Variants in CDC42BPG observed in about 807,000 individuals in gnomAD.
The protein encoded by CDC42BPG is CDC42 binding protein kinase gamma.
A neutral mutation model predicts 192.2 loss-of-function variants in CDC42BPG; 157 were observed. That is an observed-to-expected ratio of 0.82 (90% confidence interval 0.72 to 0.93). CDC42BPG has a LOEUF of 0.93. Ranked by LOEUF, CDC42BPG falls within the 40% of genes least tolerant of loss-of-function variation. CDC42BPG has a pLI of 0.00. For synonymous variants in CDC42BPG, 981 were observed against 918.5 expected (o/e 1.07, Z -1.23); for missense variants, 1,992 against 2,122.1 (o/e 0.94, Z 1.20).
intron 1 of CDC42BPG, among the ~76,000 whole-genome samples, chr11:64,842,214 C>G (rs1312696722): frequency 6.6e-6 from 1 of 152,166 alleles, no homozygotes; most frequent in African/African-American, 2.4e-5. Flanking sequence ...AGTCTGCGGC[C>G]TGACTCTGCT....
In CDC42BPG at chr11:64,827,701, G is replaced by C. The variant is rs757321105; in HGVS notation, c.4050C>G (p.Thr1350=). The change falls in exon 31 of 37, where the codon ACC becomes ACG. Residue 1350 remains threonine, a synonymous_variant. Transcript: ENST00000342711. ...FDVRRAEWVQ[T]VPLKKVRPLN... is the part of the protein sequence containing the mutation. ...GGACCCTCACCTTCTTGAGCGGCAC[G>C]GTCTGCACCCATTCTGCCCTCCTCA... 1 of 1,612,702 alleles carries C rather than the reference G, an allele frequency of 6.2e-7. No homozygotes were observed. Among genetic ancestry groups the C allele is most frequent in the African/African-American group, 1.3e-5 (1 of 74,898 alleles).
chr11:64,844,612 C>T lies in CDC42BPG; in HGVS notation c.-43G>A. On this transcript the variant is annotated 5_prime_UTR_variant, in exon 1 of 37. Transcript: ENST00000342711. ...CGCTGCTCGGCTACAGTCTGGCCGC[C>T]CGCATGCCCGCCTGTCGGGCCGTCC... 1 of 1,230,384 alleles carries T rather than the reference C, an allele frequency of 8.1e-7. No individual in the cohort carries two copies. The highest frequency in any genetic ancestry group is 1.0e-6 in the Non-Finnish European group (1 of 985,510). 76.2% of individuals were successfully genotyped at this position (1,230,384 alleles called of 1,614,324 possible).
Position 64,826,493 on chromosome 11 carries a change from T to G in CDC42BPG, c.4576A>C (p.Ser1526Arg). 6.2e-6 allele frequency: 10 copies of G among 1,602,380 alleles called. No homozygotes were observed. The highest frequency in any genetic ancestry group is 8.5e-6 in the Non-Finnish European group (10 of 1,174,716). ...ACCTGCATTAGGGAGGTTGCAGGGC[T>G]CAGCGATCCCTGGGGGCAGGACACA... The part of the protein sequence containing the change: ...ESVSCPQGSL[S>R]PATSLMQVSE... Residue 1526 changes from serine (S) to arginine (R), a missense_variant, in exon 36 of 37, where the codon AGC becomes CGC. By Grantham distance (110) the Ser-to-Arg change is moderately radical. Around this residue, in one of 2 missense-constraint regions of CDC42BPG, gnomAD observed 336 missense variants for 277.9 expected, o/e 1.21. Coordinates refer to ENST00000342711, the MANE Select transcript of CDC42BPG (RefSeq NM_017525.3).
Position 64,836,185 on chromosome 11 carries a change from CCT to C in CDC42BPG, c.1598_1599del (p.Glu533GlyfsTer5). 1 of 1,596,124 alleles carries C rather than the reference CCT, an allele frequency of 6.3e-7. No homozygotes were observed. Among genetic ancestry groups the C allele is most frequent in the Non-Finnish European group, 8.5e-7 (1 of 1,173,264 alleles). ...LQRLQEAQER[E>X]AATASQTRAL... is the part of the protein sequence containing the mutation. ...GCCCGGGTCTGGCTAGCTGTGGCCG[CCT>C]CTCTCTCCTGGGCCTCCTGTAGCCT... On this transcript the variant is annotated frameshift_variant, in exon 13 of 37. Transcript: ENST00000342711. LOFTEE classifies it high-confidence loss of function.
At chr11:64,830,730 T>TTC (rs1481736464) in intron 28 of CDC42BPG, among the ~76,000 whole-genome samples, 10 of 152,280 alleles carry the variant, frequency 6.6e-5, no homozygotes, top group African/African-American at 2.2e-4. Context: ...GGAGCTCTGT[T>TTC]TCATGCCTCT....
chr11:64,836,491 C>A lies in CDC42BPG; in HGVS notation c.1424G>T (p.Gly475Val), dbSNP rs1436706921. ...RDKASLSQTD[G>V]PPAGSPGQDS... is the part of the protein sequence containing the mutation. ...CTGACCTGGGCTACCAGCTGGGGGC[C>A]CATCCGTCTGGGACAATGAGGCCTT... Residue 475 changes from glycine (G) to valine (V), a missense_variant, in exon 12 of 37, where the codon GGG (glycine) becomes GTG (valine). Gly to Val is a moderately radical substitution (Grantham distance 109). Coordinates refer to ENST00000342711, the MANE Select transcript of CDC42BPG (RefSeq NM_017525.3). 3 of 1,613,416 alleles carry A rather than the reference C, an allele frequency of 1.9e-6. No homozygotes were observed. The highest frequency in any genetic ancestry group is 1.3e-5 in the African/African-American group (1 of 74,900).
In CDC42BPG at chr11:64,824,429, A is replaced by G. The variant is rs1565664789; in HGVS notation, c.*44T>C. Reference sequence around the variant, plus strand: ...CATTCCTCAAGCTCTTTGCTCCCTCATGTCCTTCTGCCCTGGGATTGGGGT... The same window carrying G: ...CATTCCTCAAGCTCTTTGCTCCCTCGTGTCCTTCTGCCCTGGGATTGGGGT... On this transcript the variant is annotated 3_prime_UTR_variant, in exon 37 of 37. Transcript: ENST00000342711. The G allele has an allele frequency of 3.8e-6, 5 of 1,309,602 alleles. No individual in the cohort carries two copies. The highest frequency in any genetic ancestry group is 5.6e-6 in the Non-Finnish European group (5 of 900,668). The allele number at this position is 1,309,602 out of a possible 1,614,324, so 81.1% of individuals were successfully genotyped here. A position where few individuals can be genotyped will look rare whatever the true frequency, so the allele number is the denominator to read the frequency against.
At chr11:64,836,590 G>C in intron 11 of CDC42BPG, 60 bp from the exon 12 acceptor site, 30 of 1,492,788 alleles carry the variant, frequency 2.0e-5, no homozygotes, top group Non-Finnish European at 2.7e-5. Context: ...CAGCCCAGGA[G>C]CAAGTCTCCT....
rs1942695805 is a variant in CDC42BPG at position 64,831,625 on chromosome 11, C to A, written c.3184G>T (p.Gly1062Cys). The A allele has an allele frequency of 6.2e-7, 1 of 1,611,744 alleles. No homozygotes were observed. Among genetic ancestry groups the A allele is most frequent in the Non-Finnish European group, 8.5e-7 (1 of 1,179,818 alleles). Reference protein sequence around the residue: ...GERERWLQVLGELQRLLLDAR... With the variant: ...GERERWLQVLCELQRLLLDAR... ...TCCAGCAGCAGCCGCTGCAGCTCAC[C>A]CAGCACCTGCAGCCAGCGTTCCCGC... The change falls in exon 28 of 37, where the codon GGT becomes TGT. Residue 1062 changes from glycine to cysteine, a missense_variant. Gly to Cys is a radical substitution (Grantham distance 159, BLOSUM62 -3). This residue lies in a region of CDC42BPG where 1,656 missense variants were observed against 1,844.3 expected (regional missense o/e 0.90). Coordinates refer to ENST00000342711, the MANE Select transcript of CDC42BPG (RefSeq NM_017525.3).
intron 9 of CDC42BPG, 104 bp from the exon 10 acceptor site, chr11:64,837,123 C>T (rs917509325): frequency 3.0e-6 from 3 of 1,008,274 alleles, no homozygotes; most frequent in Non-Finnish European, 4.6e-6. Flanking sequence ...ACAGCCAAAA[C>T]AGACCCTGCC....
chr11:64,843,065 C>A (rs1035655756), intron 1 of CDC42BPG, among the ~76,000 whole-genome samples: 1 of 152,110 alleles, frequency 6.6e-6, no homozygotes, highest in African/African-American at 2.4e-5. Flanking sequence ...GGGACCCACC[C>A]GCCAGAAGAG....
chr11:64,826,818 GC>G (rs1942444383), intron 34 of CDC42BPG, 24 bp from the exon 35 acceptor site: 5 of 1,477,046 alleles, frequency 3.4e-6, no homozygotes, highest in Non-Finnish European at 4.5e-6. Context: ...GTGCGGAGGG[GC>G]TGGGACTAGC....
In CDC42BPG at chr11:64,835,220, G is replaced by A. The variant is rs575489526; in HGVS notation, c.1954-67C>T. The A allele has an allele frequency of 5.0e-6, 8 of 1,602,088 alleles. 1 individual carries two copies. Among genetic ancestry groups the A allele is most frequent in the Middle Eastern group, 1.7e-4 (1 of 6,042 alleles). ...GTCCTGGGACTGCCGTCTCCCTGTAGGTACCCCAGCACCCCGAGCCCCGTC... is the reference window on the plus strand; with the variant it reads ...GTCCTGGGACTGCCGTCTCCCTGTAAGTACCCCAGCACCCCGAGCCCCGTC... On this transcript the variant is annotated intron_variant, in intron 16 of 36. Transcript: ENST00000342711.
At position 64,836,720 on chromosome 11, in the gene CDC42BPG, G is replaced by GGGGGGC; in HGVS notation, c.1384+18_1384+19insGCCCCC. 2.4e-6 allele frequency: 2 copies of GGGGGGC among 843,820 alleles called. No homozygotes were observed. The highest frequency in any genetic ancestry group is 2.0e-5 in the African/African-American group (1 of 48,876). 52.3% of individuals were successfully genotyped at this position (843,820 alleles called of 1,614,324 possible). A position where few individuals can be genotyped will look rare whatever the true frequency, so the allele number is the denominator to read the frequency against. ...GGACTCAGCCCTGGGGGGGGGGGGGGGGTGGGCGGAAGGGATACCTGGCAG... is the reference window on the plus strand; with the variant it reads ...GGACTCAGCCCTGGGGGGGGGGGGGGGGGGGCGGTGGGCGGAAGGGATACCTGGCAG... On this transcript the variant is annotated intron_variant, in intron 11 of 36. Transcript: ENST00000342711.
chr11:64,835,318 G>T, intron 16 of CDC42BPG, 29 bp downstream of exon 16: 1 of 1,612,658 alleles, frequency 6.2e-7, no homozygotes, highest in South Asian at 1.1e-5. Context: ...TCCGTCTGTT[G>T]TACCCTCCGT....
chr11:64,833,101 G>C, intron 24 of CDC42BPG, 130 bp downstream of exon 24: 4 of 1,295,172 alleles, frequency 3.1e-6, no homozygotes, highest in Non-Finnish European at 4.2e-6. Context: ...AGTGAGAAAA[G>C]GAACAAAGCT....
At position 64,835,628 on chromosome 11, in the gene CDC42BPG, G is replaced by A. The variant is rs1295197388; in HGVS notation, c.1759-7C>T. On this transcript the variant is annotated splice_region_variant and splice_polypyrimidine_tract_variant and intron_variant, in intron 14 of 36. Transcript: ENST00000342711. ...CAGAGGCTGTGTGGATGGTCTTGGG[G>A]ACATGGAGGGGGTCAGGGCAGAGAC... 2 of 1,569,592 alleles carry A rather than the reference G, an allele frequency of 1.3e-6. No individual in the cohort carries two copies. Among genetic ancestry groups the A allele is most frequent in the Admixed American group, 1.8e-5 (1 of 56,962 alleles).
chr11:64,827,291 TCTGCTGCTC>T lies in CDC42BPG; in HGVS notation c.4249_4257del (p.Glu1417_Gln1419del), dbSNP rs1196289884. 1 of 1,613,850 alleles carries T rather than the reference TCTGCTGCTC, an allele frequency of 6.2e-7. No homozygotes were observed. Among genetic ancestry groups the T allele is most frequent in the Non-Finnish European group, 8.5e-7 (1 of 1,179,880 alleles). The stretch of plus-strand genomic sequence containing the variant: ...GTGCACGCGCACCTGCGCTGCTGCT[TCTGCTGCTC>T]CTCCGACACGCGGAAAAAGAAGCGG... On this transcript the variant is annotated inframe_deletion, in exon 33 of 37. Transcript: ENST00000342711.
intron 36 of CDC42BPG, among the ~76,000 whole-genome samples, chr11:64,825,923 G>T (rs1942394688): frequency 6.6e-6 from 1 of 152,012 alleles, no homozygotes; most frequent in Non-Finnish European, 1.5e-5. Context: ...AGAATTAGCT[G>T]GGCATGGTGA....
Sources: gnomAD v4.1 joint callset for allele counts (sites outside exome capture counted in the v4.1 genomes callset) on GRCh38, gnomAD v4.1.1 for gene constraint, gnomAD v4.1.1 regional missense constraint, MANE v1.5 for transcripts, NCBI Gene and HGNC (gene_info 2026-07-23, HGNC 2026-07-21) for gene names.